RSPH14: variants seen among roughly 807,000 people sequenced by gnomAD.
The protein encoded by RSPH14 is radial spoke head 14 homolog.
Under a neutral mutation model 26.7 loss-of-function variants are expected in RSPH14, and 20 were observed. That is an observed-to-expected ratio of 0.75 (90% CI 0.53 to 1.09). The LOEUF is 1.09. Among genes scored for constraint, RSPH14 ranks in the 50% least tolerant of loss-of-function variants. The pLI, the probability that RSPH14 is intolerant of heterozygous loss-of-function variation, is 0.00. For missense variants in RSPH14, 449 were observed against 457.2 expected, an observed-to-expected ratio of 0.98 and a Z score of 0.16; for synonymous variants, 177 against 189.3, an observed-to-expected ratio of 0.93 and a Z score of 0.53.
At chr22:23,091,913 T>A (rs930332325) in intron 4 of RSPH14, among the ~76,000 whole-genome samples, 11 of 152,174 alleles carry the variant, frequency 7.2e-5, no homozygotes, top group African/African-American at 2.7e-4. Flanking sequence ...TTCCCCTTTG[T>A]GTTAGGGATG....
chr22:23,145,109 A>T, upstream of RSPH14: 1 of 561,344 alleles, frequency 1.8e-6, no homozygotes, highest in South Asian at 2.3e-5. Flanking sequence ...CCAATTAAAC[A>T]TCAATACCAC....
chr22:23,164,967 A>G, the RSPH14 span, among the ~76,000 whole-genome samples: 6 of 149,994 alleles, frequency 4.0e-5, no homozygotes, highest in Non-Finnish European at 7.4e-5. Flanking sequence ...CAGATGCCAG[A>G]CCCCTCTTCT....
At chr22:23,147,420 CCTGGG>C (rs1280406550), upstream of RSPH14, among the ~76,000 whole-genome samples, 1 of 151,948 alleles carries the variant, frequency 6.6e-6, no homozygotes, top group African/African-American at 2.4e-5. Context: ...TCCTCTAACT[CCTGGG>C]CTGAAGCAAT....
intron 4 of RSPH14, among the ~76,000 whole-genome samples, chr22:23,087,666 T>A (rs1257259305): frequency 3.3e-5 from 5 of 152,052 alleles, no homozygotes; most frequent in African/African-American, 1.2e-4. Flanking sequence ...GGATGGGGGG[T>A]AGCCAGTGAG....
chr22:23,079,478 C>A (rs942819385), intron 4 of RSPH14, among the ~76,000 whole-genome samples: 2 of 152,034 alleles, frequency 1.3e-5, no homozygotes, highest in African/African-American at 2.4e-5. Context: ...GGAGCATGGG[C>A]GTGGGAGTCA....
At position 23,081,821 on chromosome 22, in the gene RSPH14, CAA is replaced by C. The variant is rs55713577; in HGVS notation, c.422-17690_422-17689del. Among the ~76,000 whole-genome samples the C allele has an allele frequency of 3.1e-3, 144 of 46,736 alleles. No individual in the cohort carries two copies. The South Asian group carries it at 0.032, about 10-fold the overall frequency. The allele number at this position is 46,736 out of a possible 152,430, so 30.7% of individuals were successfully genotyped here. On this transcript the variant is annotated intron_variant, in intron 4 of 6. Coordinates refer to ENST00000216036, the MANE Select transcript of RSPH14 (RefSeq NM_014433.3). The stretch of plus-strand genomic sequence containing the variant: ...TGGGCAACAGAGTGAGATTCCATCT[CAA>C]AAAAAAAAAAAAAAAAAAAAGGCCA...
chr22:23,166,308 G>A, the RSPH14 span, among the ~76,000 whole-genome samples: 1 of 143,820 alleles, frequency 7.0e-6, no homozygotes, highest in Non-Finnish European at 1.5e-5. Flanking sequence ...TGTGGGAGGG[G>A]ATTTCATAAG....
At chr22:23,124,935 G>A (rs941287767) in intron 4 of RSPH14, 2 of 152,508 alleles carry the variant, frequency 1.3e-5, no homozygotes, top group African/African-American at 4.8e-5. Flanking sequence ...CGGAATCACA[G>A]CCAAGGACGT....
At chr22:23,087,245 T>G (rs2068845241) in intron 4 of RSPH14, among the ~76,000 whole-genome samples, 1 of 152,066 alleles carries the variant, frequency 6.6e-6, no homozygotes, top group Non-Finnish European at 1.5e-5. Flanking sequence ...GCAGGAGGAT[T>G]GCTTGAGCCC....
At chr22:23,167,001 A>T in the RSPH14 span, among the ~76,000 whole-genome samples, 1 of 150,982 alleles carries the variant, frequency 6.6e-6, no homozygotes, top group Non-Finnish European at 1.5e-5. Flanking sequence ...GCTCACTACC[A>T]CCCCCGCCCT....
the RSPH14 span, among the ~76,000 whole-genome samples, chr22:23,154,473 G>C: frequency 1.3e-5 from 2 of 152,268 alleles, no homozygotes; most frequent in Non-Finnish European, 1.5e-5. Context: ...CCAGTCAAGA[G>C]CAAAGGAGGC....
chr22:23,076,092 A>C (rs984973732), intron 4 of RSPH14, among the ~76,000 whole-genome samples: 25 of 152,198 alleles, frequency 1.6e-4, no homozygotes, highest in Non-Finnish European at 2.9e-4. Flanking sequence ...GGAGGCTGGC[A>C]TGGCAGTGAG....
At chr22:23,097,535 A>G (rs2069162521) in intron 4 of RSPH14, among the ~76,000 whole-genome samples, 1 of 152,146 alleles carries the variant, frequency 6.6e-6, no homozygotes, top group Non-Finnish European at 1.5e-5. Flanking sequence ...AACTGTGCCT[A>G]GGTGTTGATG....
intron 4 of RSPH14, among the ~76,000 whole-genome samples, chr22:23,113,639 A>C (rs1040040272): frequency 2.0e-5 from 3 of 152,214 alleles, no homozygotes. Context: ...AGAGGCATCT[A>C]GCACAGGGGG....
intron 4 of RSPH14, among the ~76,000 whole-genome samples, chr22:23,089,400 G>A (rs554773083): frequency 2.0e-5 from 3 of 152,274 alleles, no homozygotes; most frequent in South Asian, 2.1e-4. Flanking sequence ...TGGTCCTGGC[G>A]AGCTCAGGCT....
At chr22:23,146,024 C>G (rs1340076705), upstream of RSPH14, 2 of 984,828 alleles carry the variant, frequency 2.0e-6, no homozygotes, top group Non-Finnish European at 2.4e-6. Flanking sequence ...CCTCACAGCC[C>G]AGTAAGGTAA....
At chr22:23,093,082 C>T (rs1177652950) in intron 4 of RSPH14, among the ~76,000 whole-genome samples, 4 of 152,224 alleles carry the variant, frequency 2.6e-5, no homozygotes, top group Admixed American at 6.5e-5. Flanking sequence ...ATCCTCCATG[C>T]GCTCATGGTT....
At chr22:23,117,218 G>A (rs960126800) in intron 4 of RSPH14, among the ~76,000 whole-genome samples, 8 of 148,462 alleles carry the variant, frequency 5.4e-5, no homozygotes, top group East Asian at 2.0e-4. Flanking sequence ...GGGACCGGCT[G>A]TAAGGAGACT....
At chr22:23,112,541 G>A (rs939821307) in intron 4 of RSPH14, among the ~76,000 whole-genome samples, 3 of 152,178 alleles carry the variant, frequency 2.0e-5, no homozygotes, top group Non-Finnish European at 4.4e-5. Flanking sequence ...AGGGCGAGAT[G>A]GACACTTAGC....
Sources: gnomAD v4.1 joint callset for allele counts (sites outside exome capture counted in the v4.1 genomes callset) on GRCh38, gnomAD v4.1.1 for gene constraint, MANE v1.5 for transcripts, NCBI Gene and HGNC (gene_info 2026-07-23, HGNC 2026-07-21) for gene names.